Variants in SRBD1 observed in about 807,000 individuals in gnomAD.
SRBD1 encodes S1 RNA-binding domain-containing protein 1.
A neutral mutation model predicts 115.3 loss-of-function variants in SRBD1; 88 were observed. The observed-to-expected ratio is 0.76, with a 90% CI of 0.64 to 0.91. The LOEUF is 0.91. SRBD1 is among the 40% of genes least tolerant of loss of function. The probability of loss-of-function intolerance (pLI) is 0.00; values close to 1 mark genes in which losing one functional copy is unlikely to be tolerated. For missense variants in SRBD1, 1,385 were observed against 1,177.4 expected, an observed-to-expected ratio of 1.18 and a Z score of -2.58; for synonymous variants, 509 against 407.7, an observed-to-expected ratio of 1.25 and a Z score of -2.99.
At chr2:45,564,723 C>T (rs1339184806) in intron 9 of SRBD1, among the ~76,000 whole-genome samples, 12 of 152,094 alleles carry the variant, frequency 7.9e-5, no homozygotes, top group Admixed American at 5.2e-4. Context: ...TTGAACAATA[C>T]AGGTTTAAAC....
rs572829302 is a variant in SRBD1 at position 45,420,692 on chromosome 2, T to C, written c.2050-798A>G. Among the ~76,000 whole-genome samples the C allele has an allele frequency of 2.0e-5, 3 of 152,272 alleles. No individual in the cohort carries two copies. The East Asian group carries it at 5.8e-4, about 29-fold the overall frequency. ...CTGATCACTTTTATATTCAAAATCA[T>C]AGGTGTCAAGGTTTTCCATGCAGTA... is the stretch of plus-strand genomic sequence containing the variant. On this transcript the variant is annotated intron_variant, in intron 16 of 20. Transcript: ENST00000263736.
chr2:45,518,964 TA>T (rs11362482), intron 14 of SRBD1, among the ~76,000 whole-genome samples: 22,305 of 111,124 alleles, frequency 0.2, 2,186 homozygotes, highest in African/African-American at 0.34. Flanking sequence ...CGAATAAGGC[TA>T]AAAAAAAAAA....
intron 16 of SRBD1, among the ~76,000 whole-genome samples, chr2:45,475,997 C>A (rs1280671764): frequency 6.6e-6 from 1 of 152,228 alleles, no homozygotes; most frequent in Admixed American, 6.5e-5. Context: ...CTGCACCTAG[C>A]CAGTTGTACT....
chr2:45,409,534 TAAAGA>T (rs1304967228), intron 19 of SRBD1, among the ~76,000 whole-genome samples: 2 of 127,452 alleles, frequency 1.6e-5, no homozygotes, highest in Non-Finnish European at 3.3e-5. Context: ...AAAAAAAGAA[TAAAGA>T]AAAGAAAAAA....
intron 4 of SRBD1, among the ~76,000 whole-genome samples, chr2:45,596,446 A>T (rs1177357120): frequency 6.6e-6 from 1 of 152,236 alleles, no homozygotes; most frequent in African/African-American, 2.4e-5. Flanking sequence ...CAAAGCTCTG[A>T]AATCACCTTC....
chr2:45,462,172 T>C (rs1038337383), intron 16 of SRBD1, among the ~76,000 whole-genome samples: 5 of 152,206 alleles, frequency 3.3e-5, no homozygotes, highest in African/African-American at 1.2e-4. Context: ...TCGCAGCGAA[T>C]CACGCTGTGG....
chr2:45,438,859 T>C (rs1668577874), intron 16 of SRBD1, among the ~76,000 whole-genome samples: 1 of 151,856 alleles, frequency 6.6e-6, no homozygotes, highest in African/African-American at 2.4e-5. Flanking sequence ...AAACATAACA[T>C]AATGTAAAGA....
intron 10 of SRBD1, among the ~76,000 whole-genome samples, chr2:45,558,683 T>C (rs62128600): frequency 1.4e-5 from 2 of 140,318 alleles, no homozygotes; most frequent in African/African-American, 5.6e-5. Context: ...AGCCACACAA[T>C]TATTTTTTTT....
In SRBD1 at chr2:45,574,629, G is replaced by A. The variant is rs1673120639; in HGVS notation, c.1167C>T (p.Asn389=). Residue 389 remains asparagine, a splice_region_variant and synonymous_variant, in exon 8 of 21, where the codon AAC becomes AAT. Coordinates refer to ENST00000263736, the MANE Select transcript of SRBD1 (RefSeq NM_018079.5). ...AACTCCATAAAAGAGATACTCACAA[G>A]TTCCGAATGAAGTCAAGCGTGTCTT... ...KDKDTLDFIR[N]LCQKRHVCIQ... 6.2e-7 allele frequency: 1 copy of A among 1,612,622 alleles called. No individual in the cohort carries two copies. Among genetic ancestry groups the A allele is most frequent in the Non-Finnish European group, 8.5e-7 (1 of 1,179,472 alleles).
intron 7 of SRBD1, among the ~76,000 whole-genome samples, chr2:45,577,742 G>C (rs1357301084): frequency 6.6e-6 from 1 of 151,984 alleles, no homozygotes; most frequent in East Asian, 1.9e-4. Flanking sequence ...CGAAAAACAA[G>C]TAAAATTAAG....
intron 4 of SRBD1, among the ~76,000 whole-genome samples, chr2:45,586,825 G>C (rs1293394954): frequency 6.8e-6 from 1 of 146,558 alleles, no homozygotes; most frequent in Non-Finnish European, 1.5e-5. Flanking sequence ...GGGATTACTG[G>C]CATGAACCAC....
intron 14 of SRBD1, among the ~76,000 whole-genome samples, chr2:45,519,614 A>C (rs1051481319): frequency 6.6e-6 from 1 of 152,156 alleles, no homozygotes; most frequent in African/African-American, 2.4e-5. Flanking sequence ...TAATTCCGAC[A>C]ACTGCAGTGT....
intron 19 of SRBD1, among the ~76,000 whole-genome samples, chr2:45,398,480 G>A (rs1288270402): frequency 6.6e-6 from 1 of 152,134 alleles, no homozygotes; most frequent in Non-Finnish European, 1.5e-5. Context: ...TCTGACTTCT[G>A]AAGAACTTAC....
intron 19 of SRBD1, among the ~76,000 whole-genome samples, chr2:45,395,201 A>C (rs1304955559): frequency 6.6e-6 from 1 of 152,202 alleles, no homozygotes; most frequent in East Asian, 1.9e-4. Context: ...TCAAATCCTC[A>C]AGATTCTGGC....
chr2:45,518,463 T>A (rs1671185478), intron 14 of SRBD1, among the ~76,000 whole-genome samples: 1 of 152,184 alleles, frequency 6.6e-6, no homozygotes, highest in Non-Finnish European at 1.5e-5. Flanking sequence ...AGTCCAGTTG[T>A]TTGCTGAGTG....
chr2:45,554,877 C>T (rs893204475), intron 10 of SRBD1, among the ~76,000 whole-genome samples: 2 of 152,086 alleles, frequency 1.3e-5, no homozygotes, highest in African/African-American at 2.4e-5. Flanking sequence ...TAGGTAACAA[C>T]CTGAACATTA....
In SRBD1 at chr2:45,551,150, G is replaced by A. The variant is rs757261487; in HGVS notation, c.1650C>T (p.Cys550=). The A allele has an allele frequency of 2.5e-6, 4 of 1,596,246 alleles. No individual in the cohort carries two copies. In the Admixed American group the frequency reaches 7.4e-5, roughly 30 times the overall value. ...MGVDPGYKHG[C]KLAIISPTSQ... Reference sequence around the variant, plus strand: ...TAGTAGGAGAAATTATAGCTAATTTGCAACCATGTTTATAACCAGGATCCA... The same window carrying A: ...TAGTAGGAGAAATTATAGCTAATTTACAACCATGTTTATAACCAGGATCCA... The change falls in exon 12 of 21, where the codon TGC becomes TGT. Residue 550 remains cysteine, a synonymous_variant. Coordinates refer to ENST00000263736, the MANE Select transcript of SRBD1 (RefSeq NM_018079.5).
intron 16 of SRBD1, among the ~76,000 whole-genome samples, chr2:45,469,366 T>C (rs1278458217): frequency 2.6e-5 from 4 of 152,206 alleles, no homozygotes; most frequent in Non-Finnish European, 5.9e-5. Context: ...GAAGGTGAAC[T>C]TGAAACTGAA....
intron 16 of SRBD1, among the ~76,000 whole-genome samples, chr2:45,455,457 G>C (rs1347997059): frequency 6.6e-6 from 1 of 151,768 alleles, no homozygotes; most frequent in Non-Finnish European, 1.5e-5. Flanking sequence ...CCTTAAACCT[G>C]ACTGTACAAC....
Sources: gnomAD v4.1 joint callset for allele counts (sites outside exome capture counted in the v4.1 genomes callset) on GRCh38, gnomAD v4.1.1 for gene constraint, MANE v1.5 for transcripts, NCBI Gene and HGNC (gene_info 2026-07-23, HGNC 2026-07-21) for gene names.